CCBE1: variants seen among roughly 807,000 people sequenced by gnomAD.
The protein encoded by CCBE1 is collagen and calcium-binding EGF domain-containing protein 1.
CCBE1 carries 37 observed loss-of-function variants against 50.0 expected under a neutral mutation model. The observed-to-expected ratio is 0.74, with a 90% CI of 0.57 to 0.97. The LOEUF is 0.97. Among genes scored for constraint, CCBE1 ranks in the 50% least tolerant of loss-of-function variants. The pLI is 0.00. For synonymous variants in CCBE1, 234 were observed against 203.7 expected (o/e 1.15, Z -1.27); for missense variants, 538 against 523.8 (o/e 1.03, Z -0.26).
intron 2 of CCBE1, among the ~76,000 whole-genome samples, chr18:59,664,858 C>T (rs1568262228): frequency 6.6e-6 from 1 of 152,126 alleles, no homozygotes; most frequent in East Asian, 1.9e-4. Context: ...ATAAAATAGG[C>T]AAATGCTGGC....
At chr18:59,671,305 C>A (rs1359504752) in intron 2 of CCBE1, among the ~76,000 whole-genome samples, 4 of 152,012 alleles carry the variant, frequency 2.6e-5, no homozygotes, top group Non-Finnish European at 5.9e-5. Context: ...GGTGTGAGAC[C>A]AGCCTGGGCA....
chr18:59,571,772 G>A lies in CCBE1; in HGVS notation c.213-91534C>T, dbSNP rs115259200. Among the ~76,000 whole-genome samples, 1,405 of 152,264 alleles carry A rather than the reference G, an allele frequency of 9.2e-3. 26 individuals are homozygous for A. Among genetic ancestry groups the A allele is most frequent in the African/African-American group, 0.033 (1,362 of 41,548 alleles). On this transcript the variant is annotated intron_variant, in intron 2 of 10. Transcript: ENST00000439986. ...TCTCTTAATATGTTTTATCTCATAC[G>A]TACAGAAGAGTCATTCTCTCAAAGT...
intron 2 of CCBE1, among the ~76,000 whole-genome samples, chr18:59,629,411 C>A (rs543414431): frequency 1.6e-4 from 25 of 152,354 alleles, no homozygotes; most frequent in Non-Finnish European, 3.1e-4. Context: ...TTCATCATTT[C>A]ATCTTCCTAA....
intron 2 of CCBE1, among the ~76,000 whole-genome samples, chr18:59,506,038 C>T (rs1913856976): frequency 6.6e-6 from 1 of 152,204 alleles, no homozygotes; most frequent in African/African-American, 2.4e-5. Flanking sequence ...CACATATACC[C>T]AGGAACCTCA....
At chr18:59,558,875 C>T (rs1009104428) in intron 2 of CCBE1, among the ~76,000 whole-genome samples, 1 of 152,210 alleles carries the variant, frequency 6.6e-6, no homozygotes, top group African/African-American at 2.4e-5. Context: ...GATGAGAAAG[C>T]TAGTTTGAGA....
chr18:59,528,590 A>G (rs893300439), intron 2 of CCBE1, among the ~76,000 whole-genome samples: 3 of 151,902 alleles, frequency 2.0e-5, no homozygotes, highest in African/African-American at 2.4e-5. Flanking sequence ...TTTTTTCTCA[A>G]TTTTCATGAG....
At chr18:59,450,497 G>A (rs1267752175) in intron 6 of CCBE1, among the ~76,000 whole-genome samples, 3 of 151,974 alleles carry the variant, frequency 2.0e-5, no homozygotes, top group Admixed American at 1.3e-4. Context: ...CAGAATCTGT[G>A]CTCCTAACCA....
intron 2 of CCBE1, among the ~76,000 whole-genome samples, chr18:59,587,789 A>G (rs2053199195): frequency 6.6e-6 from 1 of 152,260 alleles, no homozygotes; most frequent in South Asian, 2.1e-4. Context: ...AACCCAAAAG[A>G]ATCTTGAAGT....
intron 2 of CCBE1, among the ~76,000 whole-genome samples, chr18:59,641,434 T>TGG (rs1022892833): frequency 8.6e-5 from 13 of 152,016 alleles, no homozygotes; most frequent in African/African-American, 3.1e-4. Flanking sequence ...CAACAGACTC[T>TGG]GGGGCCTGCT....
chr18:59,580,793 C>T (rs991122352), intron 2 of CCBE1, among the ~76,000 whole-genome samples: 2 of 152,164 alleles, frequency 1.3e-5, no homozygotes, highest in Non-Finnish European at 2.9e-5. Context: ...AAAAAACTTC[C>T]TGTGGAAGAA....
chr18:59,693,487 G>GA (rs2054764723), intron 2 of CCBE1, among the ~76,000 whole-genome samples: 1 of 151,840 alleles, frequency 6.6e-6, no homozygotes, highest in Non-Finnish European at 1.5e-5. Flanking sequence ...AAAAAAGGGG[G>GA]AAAAAAAGAA....
At chr18:59,636,142 G>A (rs1439350471) in intron 2 of CCBE1, among the ~76,000 whole-genome samples, 1 of 151,620 alleles carries the variant, frequency 6.6e-6, no homozygotes, top group Non-Finnish European at 1.5e-5. Context: ...GACAGAGCGA[G>A]ACTCTGTCTC....
chr18:59,624,370 G>T (rs1017193014), intron 2 of CCBE1, among the ~76,000 whole-genome samples: 1 of 152,156 alleles, frequency 6.6e-6, no homozygotes, highest in Non-Finnish European at 1.5e-5. Flanking sequence ...GGGGACAGCT[G>T]GGGGGCAGGG....
intron 3 of CCBE1, among the ~76,000 whole-genome samples, chr18:59,469,865 T>C (rs1341187314): frequency 6.6e-6 from 1 of 152,172 alleles, no homozygotes; most frequent in Non-Finnish European, 1.5e-5. Context: ...TTTGTCACTA[T>C]CCAGAGAGAA....
intron 2 of CCBE1, among the ~76,000 whole-genome samples, chr18:59,630,057 G>A (rs374073558): frequency 1.3e-5 from 2 of 152,070 alleles, no homozygotes; most frequent in East Asian, 1.9e-4. Flanking sequence ...CTACTGGCTC[G>A]CCAAGATCCA....
At chr18:59,556,709 A>G (rs1477492293) in intron 2 of CCBE1, among the ~76,000 whole-genome samples, 1 of 152,182 alleles carries the variant, frequency 6.6e-6, no homozygotes, top group Non-Finnish European at 1.5e-5. Context: ...AAATCAATAC[A>G]TTGTCATAGT....
chr18:59,653,174 T>TC (rs2054147599), intron 2 of CCBE1, among the ~76,000 whole-genome samples: 1 of 152,146 alleles, frequency 6.6e-6, no homozygotes, highest in Admixed American at 6.5e-5. Flanking sequence ...TCTGGCCCTC[T>TC]CCTCCAGCCC....
intron 2 of CCBE1, among the ~76,000 whole-genome samples, chr18:59,662,543 GA>G (rs1448676316): frequency 6.6e-6 from 1 of 152,144 alleles, no homozygotes; most frequent in East Asian, 1.9e-4. Context: ...TAATAGCCTA[GA>G]GGGGGGAAAT....
Position 59,538,616 on chromosome 18 carries a change from A to T in CCBE1, c.213-58378T>A, listed in dbSNP as rs182743205. Among the ~76,000 whole-genome samples the T allele has an allele frequency of 3.6e-3, 551 of 152,340 alleles. 4 individuals carry two copies. The highest frequency in any genetic ancestry group is 0.013 in the African/African-American group (532 of 41,578). ...ACACATGACATCCTGGGGAAAAAAA[A>T]ATGCCTGACGTGAGGAGGGACAAGA... On this transcript the variant is annotated intron_variant, in intron 2 of 10. Transcript: ENST00000439986.
Sources: gnomAD v4.1 joint callset for allele counts (sites outside exome capture counted in the v4.1 genomes callset) on GRCh38, gnomAD v4.1.1 for gene constraint, MANE v1.5 for transcripts, NCBI Gene and HGNC (gene_info 2026-07-23, HGNC 2026-07-21) for gene names.